NEB: variants seen among roughly 807,000 people sequenced by gnomAD.
NEB encodes nemaline myopathy type 2.
A neutral mutation model predicts 952.2 loss-of-function variants in NEB; 512 were observed. The observed-to-expected ratio is 0.54, with a 90% CI of 0.50 to 0.58. The LOEUF is 0.58. Ranked by LOEUF, NEB falls within the 20% of genes least tolerant of loss-of-function variation. The pLI is 0.00. For missense variants in NEB, 8,428 were observed against 9,231.1 expected (o/e 0.91, Z 3.56); for synonymous variants, 2,900 against 3,149.8 (o/e 0.92, Z 2.66).
Position 151,679,739 on chromosome 2 carries a change from G to A in NEB, c.3237C>T (p.Ala1079=), listed in dbSNP as rs2099400842. Residue 1079 remains alanine, a synonymous_variant, in exon 32 of 182, where the codon GCC becomes GCT. Transcript: ENST00000397345. Reference sequence around the variant, plus strand: ...GACTTACGTCACTCGCCGCCTGCCTGGCAGCTTTGGCAGCTCTGATGGGAA... The same window carrying A: ...GACTTACGTCACTCGCCGCCTGCCTAGCAGCTTTGGCAGCTCTGATGGGAA... ...DAIPIRAAKA[A]RQAASDVQYK... The A allele has an allele frequency of 6.3e-7, 1 of 1,576,884 alleles. No individual in the cohort carries two copies. The highest frequency in any genetic ancestry group is 1.4e-5 in the African/African-American group (1 of 72,068).
chr2:151,728,226 AT>A (rs1306843754), intron 4 of NEB, among the ~76,000 whole-genome samples: 1 of 152,220 alleles, frequency 6.6e-6, no homozygotes, highest in East Asian at 1.9e-4. Context: ...GCAATAAACT[AT>A]TTTTTTAAAA....
chr2:151,667,763 T>C, intron 40 of NEB, 41 bp downstream of exon 40: 3 of 1,528,286 alleles, frequency 2.0e-6, no homozygotes, highest in Non-Finnish European at 2.7e-6. Flanking sequence ...ACTCCTGAAG[T>C]CTTTTAGATA....
At chr2:151,554,458 C>T (rs893881723) in intron 125 of NEB, among the ~76,000 whole-genome samples, 3 of 152,072 alleles carry the variant, frequency 2.0e-5, no homozygotes, top group Non-Finnish European at 4.4e-5. Context: ...ACTCAGCAGG[C>T]TGAGGTGGGA....
At chr2:151,509,393 T>TTTC (rs1484388889) in intron 161 of NEB, among the ~76,000 whole-genome samples, 3 of 152,200 alleles carry the variant, frequency 2.0e-5, no homozygotes, top group East Asian at 1.9e-4. Context: ...TTTTATTGTT[T>TTTC]TTCTTTTATT....
chr2:151,656,289 A>G lies in NEB; in HGVS notation c.6359T>C (p.Leu2120Pro). 6.2e-7 allele frequency: 1 copy of G among 1,613,606 alleles called. No homozygotes were observed. Among genetic ancestry groups the G allele is most frequent in the Non-Finnish European group, 8.5e-7 (1 of 1,179,724 alleles). The change falls in exon 49 of 182, where the codon CTC (leucine) becomes CCC (proline). Residue 2120 changes from leucine (L) to proline (P), a missense_variant. Coordinates refer to ENST00000397345, the MANE Select transcript of NEB (RefSeq NM_001164508.2). ...KTSYHTPADM[L>P]SVTAAKDAQA... is the part of the protein sequence containing the mutation. ...GGCATCCTTTGCAGCCGTGACACTG[A>G]GCATGTCGGCAGGGGTGTGGTAGCT...
intron 153 of NEB, 21 bp downstream of exon 153, chr2:151,524,290 C>T: frequency 5.0e-6 from 8 of 1,592,012 alleles, no homozygotes; most frequent in Non-Finnish European, 6.9e-6. Flanking sequence ...TGAGAGCCAC[C>T]AGTGCACCCA....
intron 6 of NEB, among the ~76,000 whole-genome samples, chr2:151,725,231 C>T (rs1457946791): frequency 6.6e-6 from 1 of 152,212 alleles, no homozygotes; most frequent in East Asian, 1.9e-4. Flanking sequence ...GCTTCCATCT[C>T]ATAGTCTCCT....
intron 44 of NEB, 108 bp from the exon 45 acceptor site, chr2:151,663,967 TA>T: frequency 1.7e-6 from 2 of 1,163,162 alleles, no homozygotes; most frequent in Non-Finnish European, 2.4e-6. Flanking sequence ...AGAGCTACTC[TA>T]AAATTGGAAG....
chr2:151,609,812 A>T lies in NEB; in HGVS notation c.12327T>A (p.Ser4109Arg), dbSNP rs146178064. The T allele has an allele frequency of 5.1e-6, 8 of 1,574,958 alleles. No individual in the cohort carries two copies. The African/African-American group carries it at 1.1e-4, about 21-fold the overall frequency. The stretch of plus-strand genomic sequence containing the variant: ...TCCCAAAATTCATGTTACGTACATC[A>T]CTCTGCAGGTCATAGGCCTTTTTTG... ...IQAKKAYDLQSDSVYKADLEW... is the reference protein window; with the variant it reads ...IQAKKAYDLQRDSVYKADLEW... Residue 4109 changes from serine to arginine, a missense_variant, in exon 81 of 182, where the codon AGT becomes AGA. Physicochemically the swap from Ser to Arg is moderately radical, Grantham distance 110. This residue lies in a region of NEB where 337 missense variants were observed against 297.5 expected (regional missense o/e 1.13). Transcript: ENST00000397345.
chr2:151,525,038 G>T, intron 151 of NEB, 125 bp downstream of exon 151: 2 of 750,102 alleles, frequency 2.7e-6, no homozygotes, highest in Non-Finnish European at 4.6e-6. Flanking sequence ...ACCAATTCTC[G>T]CCACTAACTT....
At chr2:151,527,658 G>A (rs1293398747) in intron 146 of NEB, 73 bp from the exon 147 acceptor site, 4 of 1,059,378 alleles carry the variant, frequency 3.8e-6, no homozygotes, top group Non-Finnish European at 5.6e-6. Flanking sequence ...ATGGCACAGA[G>A]GGGCTCTTGC....
intron 47 of NEB, 33 bp from the exon 48 acceptor site, chr2:151,658,123 CT>C: frequency 1.4e-6 from 2 of 1,431,742 alleles, no homozygotes; most frequent in Non-Finnish European, 1.9e-6. Context: ...GAGTTTTCTT[CT>C]AAATATGAAA....
At position 151,666,134 on chromosome 2, in the gene NEB, A is replaced by G; in HGVS notation, c.4987T>C (p.Leu1663=). 6.2e-7 allele frequency: 1 copy of G among 1,613,760 alleles called. No homozygotes were observed. The highest frequency in any genetic ancestry group is 8.5e-7 in the Non-Finnish European group (1 of 1,179,738). ...GCATTCCTGGAGTGCTCCACATTCAAGGCATCGGGCAGGAGAGTGTAGTGG... is the reference window on the plus strand; with the variant it reads ...GCATTCCTGGAGTGCTCCACATTCAGGGCATCGGGCAGGAGAGTGTAGTGG... ...YHHYTLLPDA[L]NVEHSRNAMQ... is the part of the protein sequence containing the mutation. Residue 1663 remains leucine, a synonymous_variant, in exon 41 of 182, where the codon TTG becomes CTG. Coordinates refer to ENST00000397345, the MANE Select transcript of NEB (RefSeq NM_001164508.2).
At chr2:151,551,923 T>C (rs1411487681) in intron 128 of NEB, 78 bp from the exon 129 acceptor site, 21 of 979,624 alleles carry the variant, frequency 2.1e-5, no homozygotes, top group Non-Finnish European at 3.3e-5. Flanking sequence ...AACGGTAGCC[T>C]GCTTCCCTTT....
intron 107 of NEB, among the ~76,000 whole-genome samples, chr2:151,572,291 C>A (rs2096657648): frequency 6.6e-6 from 1 of 151,984 alleles, no homozygotes; most frequent in South Asian, 2.1e-4. Context: ...CACTGTACTC[C>A]AGCCTGGGTG....
chr2:151,525,722 C>T (rs1364484709), intron 150 of NEB, among the ~76,000 whole-genome samples: 2 of 152,188 alleles, frequency 1.3e-5, no homozygotes, highest in Non-Finnish European at 2.9e-5. Flanking sequence ...TTAGTAATAT[C>T]TGATATGGCT....
At chr2:151,565,640 C>T (rs2096330178) in intron 115 of NEB, 35 bp from the exon 116 acceptor site, 3 of 1,564,696 alleles carry the variant, frequency 1.9e-6, no homozygotes, top group African/African-American at 1.3e-5. Context: ...GACAGGTCTA[C>T]CACCACAGGT....
chr2:151,577,522 T>G (rs1171685625), intron 105 of NEB, among the ~76,000 whole-genome samples: 1 of 152,214 alleles, frequency 6.6e-6, no homozygotes, highest in East Asian at 1.9e-4. Context: ...ATTTTTATTC[T>G]TTAATGAACA....
chr2:151,487,491 C>A (rs1461131242), intron 181 of NEB, among the ~76,000 whole-genome samples: 1 of 152,088 alleles, frequency 6.6e-6, no homozygotes, highest in Non-Finnish European at 1.5e-5. Context: ...GTGATTTGTT[C>A]TTTCCATTTA....
Sources: gnomAD v4.1 joint callset for allele counts (sites outside exome capture counted in the v4.1 genomes callset) on GRCh38, gnomAD v4.1.1 for gene constraint, gnomAD v4.1.1 regional missense constraint, MANE v1.5 for transcripts, NCBI Gene and HGNC (gene_info 2026-07-23, HGNC 2026-07-21) for gene names.